The following UNC79 variants were observed in gnomAD, a reference collection of about 807,000 sequenced individuals.
UNC79 encodes the protein unc-79 subunit of NALCN channel complex, also known as protein unc-79 homolog.
In UNC79, 37 loss-of-function variants were observed where a neutral mutation model predicts 283.1. The observed-to-expected ratio is 0.13, with a 90% CI of 0.10 to 0.17. UNC79 has a LOEUF of 0.17. UNC79 is among the 10% of genes least tolerant of loss of function. UNC79 has a pLI of 1.00. For missense variants in UNC79, 2,272 were observed against 3,211.1 expected (o/e 0.71, Z 7.07); for synonymous variants, 1,107 against 1,200.2 (o/e 0.92, Z 1.61).
At chr14:93,572,931 G>T (rs1056327086) in intron 16 of UNC79, 115 bp downstream of exon 16, 1 of 1,381,472 alleles carries the variant, frequency 7.2e-7, no homozygotes, top group African/African-American at 1.5e-5. Context: ...CCCCATGTTT[G>T]CCAAGAAAGT....
At chr14:93,670,551 A>G (rs1030111284) in intron 40 of UNC79, among the ~76,000 whole-genome samples, 2 of 152,218 alleles carry the variant, frequency 1.3e-5, no homozygotes, top group South Asian at 4.1e-4. Flanking sequence ...CAGAGCTTCC[A>G]TGCCTTCTCT....
At chr14:93,637,126 G>T in intron 31 of UNC79, 90 bp from the exon 35 acceptor site, 1 of 777,376 alleles carries the variant, frequency 1.3e-6, no homozygotes, top group Non-Finnish European at 2.4e-6. Context: ...CCAAAAAATT[G>T]GCCCCCAGAG....
intron 1 of UNC79, among the ~76,000 whole-genome samples, chr14:93,339,830 T>G (rs1244634989): frequency 1.3e-5 from 2 of 152,262 alleles, no homozygotes; most frequent in Non-Finnish European, 2.9e-5. Flanking sequence ...TGTGGAAATT[T>G]TAATCTATGA....
chr14:93,591,576 C>T (rs931086458), intron 22 of UNC79, among the ~76,000 whole-genome samples: 1 of 152,156 alleles, frequency 6.6e-6, no homozygotes. Flanking sequence ...TTATCAATAC[C>T]GTAAGTTTAT....
chr14:93,523,878 T>C (rs537353848), intron 7 of UNC79, 100 bp from the exon 8 acceptor site: 106 of 1,230,892 alleles, frequency 8.6e-5, no homozygotes, highest in Non-Finnish European at 1.2e-4. Context: ...TTTCTGATGA[T>C]GGTTCTGTTT....
intron 1 of UNC79, among the ~76,000 whole-genome samples, chr14:93,443,438 T>C (rs1254285273): frequency 6.6e-6 from 1 of 150,754 alleles, no homozygotes; most frequent in East Asian, 1.9e-4. Context: ...TTTTTTTTTT[T>C]CTCAAGACGG....
At chr14:93,618,468 A>T in intron 29 of UNC79, 114 bp downstream of exon 30, 1 of 1,210,362 alleles carries the variant, frequency 8.3e-7, no homozygotes, top group Non-Finnish European at 1.1e-6. Context: ...GTAAAAAAAA[A>T]AATCACTTTC....
At chr14:93,631,579 C>A (rs2068040842) in intron 31 of UNC79, among the ~76,000 whole-genome samples, 1 of 152,176 alleles carries the variant, frequency 6.6e-6, no homozygotes, top group Non-Finnish European at 1.5e-5. Flanking sequence ...TACCAAGAAT[C>A]AGAGATATGA....
intron 1 of UNC79, among the ~76,000 whole-genome samples, chr14:93,363,015 G>T (rs1469540251): frequency 6.6e-6 from 1 of 151,864 alleles, no homozygotes; most frequent in African/African-American, 2.4e-5. Flanking sequence ...CTTTGGGGTT[G>T]GTTTCCTTTT....
chr14:93,397,838 C>A (rs898055902), intron 1 of UNC79, among the ~76,000 whole-genome samples: 1 of 146,750 alleles, frequency 6.8e-6, no homozygotes, highest in African/African-American at 2.5e-5. Flanking sequence ...GCAGAAGGAT[C>A]ACTTGAGGCC....
intron 4 of UNC79, among the ~76,000 whole-genome samples, chr14:93,484,987 A>G (rs551213419): frequency 1.6e-4 from 24 of 152,264 alleles, no homozygotes; most frequent in African/African-American, 5.3e-4. Context: ...CATTCTGCAA[A>G]TAGGCTTCGC....
At chr14:93,564,435 T>C (rs12889243) in intron 14 of UNC79, among the ~76,000 whole-genome samples, 3 of 152,062 alleles carry the variant, frequency 2.0e-5, no homozygotes, top group African/African-American at 4.8e-5. Context: ...CCTATTGAGG[T>C]AGGTAACGGA....
At chr14:93,350,069 A>G (rs1236508572) in intron 1 of UNC79, among the ~76,000 whole-genome samples, 2 of 152,208 alleles carry the variant, frequency 1.3e-5, no homozygotes, top group African/African-American at 4.8e-5. Flanking sequence ...GGGTTATAAT[A>G]TGGGAAAATG....
At chr14:93,493,901 A>ATTTTTTTTTT (rs71129642) in intron 5 of UNC79, among the ~76,000 whole-genome samples, 13 of 49,254 alleles carry the variant, frequency 2.6e-4, no homozygotes, top group Admixed American at 3.9e-4. Flanking sequence ...ATATATATAT[A>ATTTTTTTTTT]TTTTTTTTTT....
intron 20 of UNC79, among the ~76,000 whole-genome samples, chr14:93,584,529 G>A (rs945967072): frequency 6.6e-6 from 1 of 152,164 alleles, no homozygotes; most frequent in Admixed American, 6.5e-5. Flanking sequence ...GTTTCTGTCA[G>A]GCATTCATGC....
intron 22 of UNC79, among the ~76,000 whole-genome samples, chr14:93,593,266 G>A (rs1444253159): frequency 6.6e-6 from 1 of 152,192 alleles, no homozygotes; most frequent in Non-Finnish European, 1.5e-5. Flanking sequence ...GAGAAAAAGA[G>A]TTGTTCTTTG....
At chr14:93,494,129 T>C (rs2058899973) in intron 5 of UNC79, among the ~76,000 whole-genome samples, 1 of 151,808 alleles carries the variant, frequency 6.6e-6, no homozygotes, top group African/African-American at 2.4e-5. Context: ...GGTCTTGAAC[T>C]CCTGACCTCA....
At chr14:93,482,910 G>A (rs1407392600) in intron 4 of UNC79, among the ~76,000 whole-genome samples, 2 of 152,072 alleles carry the variant, frequency 1.3e-5, no homozygotes, top group Admixed American at 6.6e-5. Flanking sequence ...CAAATTCAGT[G>A]CCCTTCCTTA....
chr14:93,543,383 CT>C (rs369252676), intron 14 of UNC79, among the ~76,000 whole-genome samples: 1,566 of 140,708 alleles, frequency 0.011, 6 homozygotes, highest in South Asian at 0.021. Flanking sequence ...TTCTTTTTTC[CT>C]TTTTTTTTTT....
Sources: allele counts gnomAD v4.1 joint callset (sites outside exome capture counted in the v4.1 genomes callset), GRCh38; gene constraint gnomAD v4.1.1; transcripts MANE v1.5; gene names NCBI Gene and HGNC (gene_info 2026-07-23, HGNC 2026-07-21).